Variants in SH3KBP1 observed in about 807,000 individuals in gnomAD.
The protein encoded by SH3KBP1 is SH3 domain-containing kinase-binding protein 1.
In SH3KBP1, 8 loss-of-function variants were observed where a neutral mutation model predicts 50.1. The ratio of observed to expected loss-of-function variants is 0.16; its 90% CI spans 0.09 to 0.29. The LOEUF is 0.29. Ranked by LOEUF, SH3KBP1 falls within the 10% of genes least tolerant of loss-of-function variation. The pLI, the probability that SH3KBP1 is intolerant of heterozygous loss-of-function variation, is 1.00. For missense variants in SH3KBP1, 377 were observed against 535.2 expected (o/e 0.70, Z 2.92); for synonymous variants, 227 against 218.6 (o/e 1.04, Z -0.34).
chrX:19,695,548 G>A, intron 5 of SH3KBP1, 64 bp downstream of exon 5: 1 of 1,161,338 alleles, frequency 8.6e-7, no homozygotes, highest in South Asian at 1.8e-5. Context: ...GAACAGAAGG[G>A]AGGCTGGAGC....
chrX:19,675,154 T>C (rs993115057), intron 6 of SH3KBP1, among the ~76,000 whole-genome samples: 2 of 111,418 alleles, frequency 1.8e-5, no homozygotes, highest in Non-Finnish European at 3.8e-5. Flanking sequence ...AGGTACTCTT[T>C]CTACTCTAAT....
chrX:19,684,974 C>T (rs1720247522), intron 5 of SH3KBP1, among the ~76,000 whole-genome samples: 2 of 112,270 alleles, frequency 1.8e-5, no homozygotes, highest in African/African-American at 6.5e-5. Context: ...GTGTATTCTT[C>T]CTTTGATGGT....
intron 1 of SH3KBP1, among the ~76,000 whole-genome samples, chrX:19,849,908 T>C (rs913466872): frequency 1.3e-4 from 14 of 111,646 alleles, no homozygotes; most frequent in Non-Finnish European, 1.1e-4. Context: ...TTACAAAATA[T>C]ATGCTGAAAC....
chrX:19,808,546 T>A (rs2067119248), intron 2 of SH3KBP1, among the ~76,000 whole-genome samples: 1 of 111,055 alleles, frequency 9.0e-6, no homozygotes, highest in Non-Finnish European at 1.9e-5. Flanking sequence ...ACCCTCCCAG[T>A]TAGAGCCAAA....
At chrX:19,596,084 C>T (rs972131792) in intron 9 of SH3KBP1, among the ~76,000 whole-genome samples, 3 of 111,495 alleles carry the variant, frequency 2.7e-5, no homozygotes, top group African/African-American at 9.8e-5. Context: ...TTCTTCCTCC[C>T]TTCTCTGTCG....
intron 6 of SH3KBP1, among the ~76,000 whole-genome samples, chrX:19,669,325 A>AATAATT (rs780980302): frequency 0.019 from 1,931 of 102,512 alleles, 67 homozygotes; most frequent in African/African-American, 0.066. Context: ...TAATAATAAT[A>AATAATT]ATTATTATTA....
At chrX:19,638,698 G>A (rs1443980274) in intron 7 of SH3KBP1, among the ~76,000 whole-genome samples, 2 of 111,959 alleles carry the variant, frequency 1.8e-5, no homozygotes, top group African/African-American at 3.3e-5. Flanking sequence ...GGGTGGACAA[G>A]TATGGTGGTA....
chrX:19,559,091 A>G (rs2065583326), intron 13 of SH3KBP1, among the ~76,000 whole-genome samples: 1 of 106,370 alleles, frequency 9.4e-6, no homozygotes, highest in Non-Finnish European at 1.9e-5. Flanking sequence ...AACATGGTGA[A>G]ACCCCGTCTC....
chrX:19,642,214 T>A (rs950001072), intron 7 of SH3KBP1, among the ~76,000 whole-genome samples: 1 of 111,651 alleles, frequency 9.0e-6, no homozygotes, highest in Admixed American at 9.5e-5. Flanking sequence ...CTCCATTTGC[T>A]CAACCACCAC....
rs1189261931 is a variant in SH3KBP1 at position 19,534,268 on chromosome X, A to G, written c.*2149T>C. The G allele has an allele frequency of 1.8e-5, 2 of 109,763 alleles. No homozygotes were observed. Among genetic ancestry groups the G allele is most frequent in the Admixed American group, 2.0e-4 (2 of 10,188 alleles). 9.0% of individuals were successfully genotyped at this position (109,763 alleles called of 1,213,427 possible). A position where few individuals can be genotyped will look rare whatever the true frequency, so the allele number is the denominator to read the frequency against. ...TGGGTAGCCCGAGGGGCCGCAATGA[A>G]GCTAGACATACCAACTTCTCCTTCC... On this transcript the variant is annotated 3_prime_UTR_variant, in exon 18 of 18. Transcript: ENST00000397821.
At chrX:19,819,834 A>C (rs1221806289) in intron 2 of SH3KBP1, among the ~76,000 whole-genome samples, 1 of 111,455 alleles carries the variant, frequency 9.0e-6, no homozygotes, top group Non-Finnish European at 1.9e-5. Flanking sequence ...CCTCCATTCT[A>C]ATGTAAACTT....
At chrX:19,737,616 T>C (rs1188746792) in intron 3 of SH3KBP1, among the ~76,000 whole-genome samples, 1 of 111,479 alleles carries the variant, frequency 9.0e-6, no homozygotes, top group Admixed American at 9.5e-5. Context: ...ATGTTGACTA[T>C]GTAGAGACTG....
chrX:19,792,782 G>A (rs1475366920), intron 2 of SH3KBP1, among the ~76,000 whole-genome samples: 1 of 88,725 alleles, frequency 1.1e-5, no homozygotes. Context: ...TCTGGCGGGG[G>A]CGGGGGGTGG....
chrX:19,708,597 T>A (rs1004587033), intron 3 of SH3KBP1, among the ~76,000 whole-genome samples: 3 of 111,404 alleles, frequency 2.7e-5, no homozygotes, highest in South Asian at 3.7e-4. Context: ...TGGCTTCCCA[T>A]ACAATGGAAG....
At chrX:19,754,355 C>T (rs1425917954) in intron 2 of SH3KBP1, among the ~76,000 whole-genome samples, 2 of 111,851 alleles carry the variant, frequency 1.8e-5, no homozygotes, top group Non-Finnish European at 3.8e-5. Flanking sequence ...TTGCCCACAC[C>T]CCGCTAAACA....
chrX:19,585,946 G>A (rs2066554160), intron 12 of SH3KBP1, among the ~76,000 whole-genome samples: 1 of 112,229 alleles, frequency 8.9e-6, no homozygotes, highest in Admixed American at 9.4e-5. Flanking sequence ...TGTCTAGGGA[G>A]CTAGGCAGCC....
chrX:19,537,884 C>T lies in SH3KBP1; in HGVS notation c.1893-104G>A, dbSNP rs751537283. On this transcript the variant is annotated intron_variant, in intron 16 of 17. Transcript: ENST00000397821. Reference sequence around the variant, plus strand: ...ACAAAATCCATCTGATCCTTTTTTACAAAGAAACTGTGGACAACACATCAT... The same window carrying T: ...ACAAAATCCATCTGATCCTTTTTTATAAAGAAACTGTGGACAACACATCAT... 80 of 664,713 alleles carry T rather than the reference C, an allele frequency of 1.2e-4. No individual in the cohort carries two copies. In the African/African-American group the frequency reaches 1.6e-3, roughly 13 times the overall value. 54.8% of individuals were successfully genotyped at this position (664,713 alleles called of 1,213,427 possible).
chrX:19,612,290 G>C (rs933401655), intron 8 of SH3KBP1, among the ~76,000 whole-genome samples: 2 of 111,623 alleles, frequency 1.8e-5, no homozygotes, highest in Non-Finnish European at 3.8e-5. Context: ...TGAGACAGAG[G>C]CTGGCTCTGT....
intron 13 of SH3KBP1, among the ~76,000 whole-genome samples, chrX:19,557,382 T>C (rs772274532): frequency 8.9e-6 from 1 of 112,212 alleles, no homozygotes; most frequent in South Asian, 3.7e-4. Flanking sequence ...AGCTCAAGAA[T>C]AAGAGAGGGA....
Sources: gnomAD v4.1 joint callset for allele counts (sites outside exome capture counted in the v4.1 genomes callset) on GRCh38, gnomAD v4.1.1 for gene constraint, MANE v1.5 for transcripts, NCBI Gene and HGNC (gene_info 2026-07-23, HGNC 2026-07-21) for gene names.